Variants in AGAP1 observed in about 807,000 individuals in gnomAD.
AGAP1 encodes the protein arf-GAP with GTPase, ANK repeat and PH domain-containing protein 1.
Under a neutral mutation model 105.3 loss-of-function variants are expected in AGAP1, and 29 were observed. The observed-to-expected ratio is 0.28, with a 90% CI of 0.21 to 0.38. The LOEUF is 0.38. AGAP1 is among the 10% of genes least tolerant of loss of function. AGAP1 has a pLI of 1.00. For synonymous variants in AGAP1, 509 were observed against 485.9 expected, an observed-to-expected ratio of 1.05 and a Z score of -0.63; for missense variants, 998 against 1,165.1, an observed-to-expected ratio of 0.86 and a Z score of 2.09.
chr2:235,989,126 T>G lies in AGAP1; in HGVS notation c.1645+20503T>G, dbSNP rs916177081. On this transcript the variant is annotated intron_variant, in intron 13 of 17. Coordinates refer to ENST00000304032, the MANE Select transcript of AGAP1 (RefSeq NM_001037131.3). The surrounding 1 kb of genome is among the most constrained non-coding windows in gnomAD (Gnocchi z 4.4). The stretch of plus-strand genomic sequence containing the variant: ...GTGAGATGAAGATGATGATGATGGT[T>G]GTTGTTATTTAAAACTGCAAGACGT... Among the ~76,000 whole-genome samples the G allele has an allele frequency of 6.6e-6, 1 of 151,610 alleles. No homozygotes were observed. The highest frequency in any genetic ancestry group is 2.4e-5 in the African/African-American group (1 of 41,020).
rs1953438111 is a variant in AGAP1 at position 235,751,503 on chromosome 2, G to A, written c.673+1015G>A. On this transcript the variant is annotated intron_variant, in intron 6 of 17. Coordinates refer to ENST00000304032, the MANE Select transcript of AGAP1 (RefSeq NM_001037131.3). This position sits in a 1 kb window ranked among gnomAD's most constrained non-coding sequence, Gnocchi z 5.3. ...GGAGGACTCGCCGCGCTCTGACCTTGAAGACCCACGGTGAAAGCAGTGGCT... is the reference window on the plus strand; with the variant it reads ...GGAGGACTCGCCGCGCTCTGACCTTAAAGACCCACGGTGAAAGCAGTGGCT... Among the ~76,000 whole-genome samples, 1 of 152,174 alleles carries A rather than the reference G, an allele frequency of 6.6e-6. No individual in the cohort carries two copies. Among genetic ancestry groups the A allele is most frequent in the African/African-American group, 2.4e-5 (1 of 41,438 alleles).
At chr2:235,657,204 A>G (rs1947801212) in intron 1 of AGAP1, among the ~76,000 whole-genome samples, 2 of 152,152 alleles carry the variant, frequency 1.3e-5, no homozygotes, top group Admixed American at 1.3e-4. Context: ...TCTCCACTTT[A>G]TAGCTGTTAC....
Position 235,622,608 on chromosome 2 carries a change from C to T in AGAP1, c.164-86571C>T, listed in dbSNP as rs940777809. On this transcript the variant is annotated intron_variant, in intron 1 of 17. Coordinates refer to ENST00000304032, the MANE Select transcript of AGAP1 (RefSeq NM_001037131.3). This position sits in a 1 kb window ranked among gnomAD's most constrained non-coding sequence, Gnocchi z 5.0. Reference sequence around the variant, plus strand: ...AAGTCAACTTTGACGCTTCAGCCAACGTCGGTTTTGAGAATGCGACCTATG... The same window carrying T: ...AAGTCAACTTTGACGCTTCAGCCAATGTCGGTTTTGAGAATGCGACCTATG... Among the ~76,000 whole-genome samples, 1 of 152,104 alleles carries T rather than the reference C, an allele frequency of 6.6e-6. No individual in the cohort carries two copies. Among genetic ancestry groups the T allele is most frequent in the Non-Finnish European group, 1.5e-5 (1 of 68,038 alleles).
At position 235,723,146 on chromosome 2, in the gene AGAP1, C is replaced by T. The variant is rs1381473492; in HGVS notation, c.310+5502C>T. 2.0e-5 allele frequency among the ~76,000 whole-genome samples: 3 copies of T among 152,172 alleles called. No individual in the cohort carries two copies. The highest frequency in any genetic ancestry group is 4.4e-5 in the Non-Finnish European group (3 of 68,034). On this transcript the variant is annotated intron_variant, in intron 3 of 17. Transcript: ENST00000304032. This position sits in a 1 kb window ranked among gnomAD's most constrained non-coding sequence, Gnocchi z 6.2. ...CATCGGCTGGCAGTGACCTTCACAC[C>T]TCTGAGGACAATTTCACAGCTGCCG...
rs1466542222 is a variant in AGAP1 at position 235,845,165 on chromosome 2, A to G, written c.1050+37834A>G. Among the ~76,000 whole-genome samples, 1 of 152,132 alleles carries G rather than the reference A, an allele frequency of 6.6e-6. No individual in the cohort carries two copies. The highest frequency in any genetic ancestry group is 1.9e-4 in the East Asian group (1 of 5,182). On this transcript the variant is annotated intron_variant, in intron 9 of 17. Coordinates refer to ENST00000304032, the MANE Select transcript of AGAP1 (RefSeq NM_001037131.3). This position sits in a 1 kb window ranked among gnomAD's most constrained non-coding sequence, Gnocchi z 4.8. ...GTAGATGGGGCTGAAGCTTAGTCCCAAGAGCCACACATGTCAAGGAAATCT... is the reference window on the plus strand; with the variant it reads ...GTAGATGGGGCTGAAGCTTAGTCCCGAGAGCCACACATGTCAAGGAAATCT...
In AGAP1 at chr2:235,752,416, C is replaced by T. The variant is rs983177172; in HGVS notation, c.673+1928C>T. 3.3e-5 allele frequency among the ~76,000 whole-genome samples: 5 copies of T among 152,180 alleles called. No homozygotes were observed. Among genetic ancestry groups the T allele is most frequent in the African/African-American group, 1.2e-4 (5 of 41,452 alleles). The stretch of plus-strand genomic sequence containing the variant: ...TTGGTCTCAAACTCCTGAGCCCAGG[C>T]AATCTGCCCACCTTGGCCTCCCAAA... On this transcript the variant is annotated intron_variant, in intron 6 of 17. Coordinates refer to ENST00000304032, the MANE Select transcript of AGAP1 (RefSeq NM_001037131.3). This position sits in a 1 kb window ranked among gnomAD's most constrained non-coding sequence, Gnocchi z 4.3.
Position 235,968,720 on chromosome 2 carries a change from A to T in AGAP1, c.1645+97A>T, listed in dbSNP as rs2054515482. 54 of 1,176,092 alleles carry T rather than the reference A, an allele frequency of 4.6e-5. 3 individuals carry two copies. In the South Asian group the frequency reaches 6.7e-4, roughly 15 times the overall value. The allele number at this position is 1,176,092 out of a possible 1,614,324, so 72.9% of individuals were successfully genotyped here. On this transcript the variant is annotated intron_variant, in intron 13 of 17. Coordinates refer to ENST00000304032, the MANE Select transcript of AGAP1 (RefSeq NM_001037131.3). ...AAATTAGACACCCTTAGCACAACAA[A>T]TGCACAGTAATGCTGGTCACCGTAT...
In AGAP1 at chr2:236,005,470, G is replaced by A. The variant is rs1394921572; in HGVS notation, c.1646-31091G>A. ...CCCTGTTAATTTACCTCTTTCATTAGTATGGTACATTTCTTAGAGTTCATG... is the reference window on the plus strand; with the variant it reads ...CCCTGTTAATTTACCTCTTTCATTAATATGGTACATTTCTTAGAGTTCATG... On this transcript the variant is annotated intron_variant, in intron 13 of 17. Coordinates refer to ENST00000304032, the MANE Select transcript of AGAP1 (RefSeq NM_001037131.3). The surrounding 1 kb of genome is among the most constrained non-coding windows in gnomAD (Gnocchi z 4.1). Among the ~76,000 whole-genome samples the A allele has an allele frequency of 6.6e-6, 1 of 152,076 alleles. No individual in the cohort carries two copies. Among genetic ancestry groups the A allele is most frequent in the Non-Finnish European group, 1.5e-5 (1 of 68,014 alleles).
At chr2:235,813,144 G>A (rs531553998) in intron 9 of AGAP1, among the ~76,000 whole-genome samples, 17 of 152,304 alleles carry the variant, frequency 1.1e-4, no homozygotes, top group African/African-American at 1.2e-4. Context: ...ACAGTCATCC[G>A]TCTTTGAGTA....
At chr2:235,925,613 C>G (rs907166657) in intron 11 of AGAP1, among the ~76,000 whole-genome samples, 8 of 152,270 alleles carry the variant, frequency 5.3e-5, no homozygotes, top group African/African-American at 1.9e-4. Context: ...TTAAACTCAC[C>G]GTCTTAGCTA....
chr2:235,563,284 C>T (rs182101596), intron 1 of AGAP1, among the ~76,000 whole-genome samples: 2 of 152,284 alleles, frequency 1.3e-5, no homozygotes, highest in East Asian at 1.9e-4. Context: ...GTCCTGCCCC[C>T]CTTTGCTGTG....
intron 1 of AGAP1, among the ~76,000 whole-genome samples, chr2:235,699,732 C>T (rs1287900282): frequency 2.6e-5 from 4 of 152,208 alleles, no homozygotes; most frequent in South Asian, 2.1e-4. Context: ...CTGCTGACTG[C>T]GTCAGCAGTC....
intron 9 of AGAP1, among the ~76,000 whole-genome samples, chr2:235,825,956 C>T (rs1002028864): frequency 6.6e-6 from 1 of 152,020 alleles, no homozygotes; most frequent in Admixed American, 6.5e-5. Context: ...TGTATCAAAA[C>T]ATCTCATGTG....
chr2:235,494,728 G>A lies in AGAP1; in HGVS notation c.42G>A (p.Arg14=). The A allele has an allele frequency of 1.3e-6, 2 of 1,565,434 alleles. No individual in the cohort carries two copies. Among genetic ancestry groups the A allele is most frequent in the South Asian group, 1.1e-5 (1 of 87,480 alleles). Reference sequence around the variant, plus strand: ...AGCTGGCCAACTCGGCTGCCATCCGGGCCGAGATCCAGCGCTTCGAGTCGG... The same window carrying A: ...AGCTGGCCAACTCGGCTGCCATCCGAGCCGAGATCCAGCGCTTCGAGTCGG... ...QQQLANSAAI[R]AEIQRFESVH... Residue 14 remains arginine, a synonymous_variant, in exon 1 of 18, where the codon CGG becomes CGA. Transcript: ENST00000304032.
intron 1 of AGAP1, among the ~76,000 whole-genome samples, chr2:235,563,126 C>G (rs1318015862): frequency 6.6e-6 from 1 of 152,146 alleles, no homozygotes; most frequent in Admixed American, 6.5e-5. Flanking sequence ...GCAAACAGGA[C>G]CTGCCTTGTG....
rs1273923869 is a variant in AGAP1, at chr2:236,095,622, C to T, written c.2115-24570C>T. ...TCATGTTGGTAGATATTGACATAGG[C>T]AGTGCTTACAGTGTTGTGGTAATGT... On this transcript the variant is annotated intron_variant, in intron 16 of 17. Coordinates refer to ENST00000304032, the MANE Select transcript of AGAP1 (RefSeq NM_001037131.3). This position sits in a 1 kb window ranked among gnomAD's most constrained non-coding sequence, Gnocchi z 4.1. Among the ~76,000 whole-genome samples, 2 of 152,184 alleles carry T rather than the reference C, an allele frequency of 1.3e-5. No individual in the cohort carries two copies. Among genetic ancestry groups the T allele is most frequent in the African/African-American group, 2.4e-5 (1 of 41,442 alleles).
chr2:235,568,415 A>G (rs1006237519), intron 1 of AGAP1, among the ~76,000 whole-genome samples: 28 of 152,182 alleles, frequency 1.8e-4, no homozygotes, highest in Non-Finnish European at 1.6e-4. Flanking sequence ...TCTCCGTTTT[A>G]TGGAGAAAGA....
In AGAP1 at chr2:235,970,688, C is replaced by T. The variant is rs913724477; in HGVS notation, c.1645+2065C>T. ...TTCATTATCCCACCCACGTGTTGAC[C>T]GCTGTGTAAATGAGTGAATAAATCA... On this transcript the variant is annotated intron_variant, in intron 13 of 17. Coordinates refer to ENST00000304032, the MANE Select transcript of AGAP1 (RefSeq NM_001037131.3). The surrounding 1 kb of genome is among the most constrained non-coding windows in gnomAD (Gnocchi z 5.4). 3.3e-5 allele frequency among the ~76,000 whole-genome samples: 5 copies of T among 152,184 alleles called. 1 individual carries two copies. Among genetic ancestry groups the T allele is most frequent in the Non-Finnish European group, 5.9e-5 (4 of 68,036 alleles).
rs56972002 is a variant in AGAP1 at position 235,963,960 on chromosome 2, C to G, written c.1484-4502C>G. Among the ~76,000 whole-genome samples, 1 of 151,902 alleles carries G rather than the reference C, an allele frequency of 6.6e-6. No individual in the cohort carries two copies. The highest frequency in any genetic ancestry group is 1.5e-5 in the Non-Finnish European group (1 of 68,028). On this transcript the variant is annotated intron_variant, in intron 12 of 17. Coordinates refer to ENST00000304032, the MANE Select transcript of AGAP1 (RefSeq NM_001037131.3). This position sits in a 1 kb window ranked among gnomAD's most constrained non-coding sequence, Gnocchi z 5.1. ...AGCGGTGTACACTCATAAAAACAAC[C>G]GCTGGATAACGGAAGAGAGTTTATG... is the stretch of plus-strand genomic sequence containing the variant.
Sources: allele counts gnomAD v4.1 joint callset (sites outside exome capture counted in the v4.1 genomes callset), GRCh38; gene constraint gnomAD v4.1.1; non-coding constraint Gnocchi (gnomAD v3.1); transcripts MANE v1.5; gene names NCBI Gene and HGNC (gene_info 2026-07-23, HGNC 2026-07-21).